Variants in PDE4D observed in about 807,000 individuals in gnomAD.
PDE4D encodes the protein phosphodiesterase 4D, also known as 3',5'-cyclic-AMP phosphodiesterase 4D.
PDE4D carries 24 observed loss-of-function variants against 87.4 expected under a neutral mutation model. The ratio of observed to expected loss-of-function variants is 0.27; its 90% CI spans 0.20 to 0.39. The LOEUF is 0.39. PDE4D is among the 10% of genes least tolerant of loss of function. The pLI is 1.00. For synonymous variants in PDE4D, 384 were observed against 383.2 expected, an observed-to-expected ratio of 1.00 and a Z score of -0.02; for missense variants, 714 against 1,041.0, an observed-to-expected ratio of 0.69 and a Z score of 4.32.
chr5:59,922,823 A>G (rs921198693), intron 3 of PDE4D, among the ~76,000 whole-genome samples: 2 of 151,850 alleles, frequency 1.3e-5, no homozygotes, highest in East Asian at 3.9e-4. Context: ...TGAGAAAAGG[A>G]GAAAGAAGGG....
At chr5:59,338,875 ATAATT>A (rs1489978523) in intron 1 of PDE4D, among the ~76,000 whole-genome samples, 5 of 152,236 alleles carry the variant, frequency 3.3e-5, no homozygotes, top group African/African-American at 1.2e-4. Flanking sequence ...CATTTTTAGC[ATAATT>A]TAGAGAAAAA....
chr5:59,346,241 A>G (rs1779584612), intron 1 of PDE4D, among the ~76,000 whole-genome samples: 1 of 152,168 alleles, frequency 6.6e-6, no homozygotes, highest in African/African-American at 2.4e-5. Flanking sequence ...AGCTGGTAAT[A>G]TTTTGATTTT....
intron 2 of PDE4D, among the ~76,000 whole-genome samples, chr5:60,065,031 T>C (rs1285101861): frequency 6.6e-6 from 1 of 152,122 alleles, no homozygotes; most frequent in Non-Finnish European, 1.5e-5. Context: ...AGAAATACAA[T>C]AGTGAATAAT....
intron 2 of PDE4D, among the ~76,000 whole-genome samples, chr5:60,010,067 C>T (rs1424914073): frequency 6.6e-6 from 1 of 151,826 alleles, no homozygotes. Context: ...GTAACATTTG[C>T]AAAAAGAACT....
At chr5:59,946,679 G>T (rs1382981415) in intron 3 of PDE4D, among the ~76,000 whole-genome samples, 7 of 152,174 alleles carry the variant, frequency 4.6e-5, no homozygotes, top group Non-Finnish European at 1.0e-4. Flanking sequence ...TTATTTTGCA[G>T]AATATGTTTT....
In PDE4D at chr5:60,080,087, T is replaced by A. The variant is rs1207166738; in HGVS notation, c.43-91370A>T. The stretch of plus-strand genomic sequence containing the variant: ...CTTATAGTTCTCCTTGAAGAGGTCC[T>A]TCACATCCCTTGTTAGCTCTATTCC... On this transcript the variant is annotated intron_variant, in intron 2 of 16. Coordinates refer to the PDE4D transcript ENST00000502484. Among the ~76,000 whole-genome samples, 4 of 152,212 alleles carry A rather than the reference T, an allele frequency of 2.6e-5. No homozygotes were observed. In the East Asian group the frequency reaches 7.7e-4, roughly 29 times the overall value.
At chr5:60,143,056 G>A (rs917518359) in intron 2 of PDE4D, among the ~76,000 whole-genome samples, 6 of 152,148 alleles carry the variant, frequency 3.9e-5, no homozygotes, top group Non-Finnish European at 8.8e-5. Context: ...AGTCAAAGAT[G>A]TCCTGGATTT....
At chr5:59,558,837 A>C (rs1270237456) in intron 1 of PDE4D, 1 of 152,226 alleles carries the variant, frequency 6.6e-6, no homozygotes, top group Non-Finnish European at 1.5e-5. Flanking sequence ...CACTGCACTC[A>C]TACTATATGT....
chr5:59,636,477 A>C (rs1386664574), intron 1 of PDE4D, among the ~76,000 whole-genome samples: 1 of 152,034 alleles, frequency 6.6e-6, no homozygotes, highest in African/African-American at 2.4e-5. Context: ...CAAAGCTGGA[A>C]GCATCAAGCT....
Position 59,364,249 on chromosome 5 carries a change from A to G in PDE4D, c.456-148281T>C, listed in dbSNP as rs550580290. On this transcript the variant is annotated intron_variant, in intron 1 of 14. Transcript: ENST00000340635. ...GGTTCTGGTTTTTGCTTTCAGTGTT[A>G]CCACTAATTTTATTTCTACTGGTTC... is the stretch of plus-strand genomic sequence containing the variant. Among the ~76,000 whole-genome samples, 43 of 152,330 alleles carry G rather than the reference A, an allele frequency of 2.8e-4. No individual in the cohort carries two copies. The South Asian group carries it at 8.5e-3, about 30-fold the overall frequency.
intron 1 of PDE4D, among the ~76,000 whole-genome samples, chr5:60,284,638 C>T (rs1286901956): frequency 6.6e-6 from 1 of 152,142 alleles, no homozygotes; most frequent in Non-Finnish European, 1.5e-5. Flanking sequence ...ACAGGACAGC[C>T]TCCCCATCAC....
chr5:59,871,074 T>C (rs181134843), intron 1 of PDE4D, among the ~76,000 whole-genome samples: 1 of 152,336 alleles, frequency 6.6e-6, no homozygotes, highest in East Asian at 1.9e-4. Context: ...TCCTCCCAGA[T>C]GGTCAACATC....
At chr5:59,521,019 T>C (rs944872950) in intron 1 of PDE4D, among the ~76,000 whole-genome samples, 1 of 152,070 alleles carries the variant, frequency 6.6e-6, no homozygotes, top group African/African-American at 2.4e-5. Context: ...GGATCATTTA[T>C]ACTCCTAGGA....
intron 1 of PDE4D, among the ~76,000 whole-genome samples, chr5:59,393,615 T>A (rs1788683628): frequency 6.6e-6 from 1 of 152,252 alleles, no homozygotes; most frequent in Non-Finnish European, 1.5e-5. Flanking sequence ...TTTAGGGACG[T>A]TCCTCTTTTT....
chr5:59,513,673 C>T (rs891956272), intron 1 of PDE4D, among the ~76,000 whole-genome samples: 4 of 152,136 alleles, frequency 2.6e-5, no homozygotes, highest in African/African-American at 9.7e-5. Flanking sequence ...AGTAAAATGT[C>T]TTACATTGAA....
intron 2 of PDE4D, among the ~76,000 whole-genome samples, chr5:60,046,007 T>C (rs1769191605): frequency 6.6e-6 from 1 of 152,226 alleles, no homozygotes; most frequent in African/African-American, 2.4e-5. Flanking sequence ...GCATGGAATA[T>C]TCTTCCATTT....
intron 1 of PDE4D, among the ~76,000 whole-genome samples, chr5:59,502,741 T>C (rs1808535828): frequency 6.6e-6 from 1 of 151,258 alleles, no homozygotes; most frequent in Non-Finnish European, 1.5e-5. Flanking sequence ...TTTGTAAAAC[T>C]CTCCTTAGGG....
At chr5:59,661,951 G>A (rs1431350006) in intron 1 of PDE4D, among the ~76,000 whole-genome samples, 2 of 152,156 alleles carry the variant, frequency 1.3e-5, no homozygotes, top group Non-Finnish European at 2.9e-5. Context: ...CCACTTGAAT[G>A]TTCAGGCGTT....
intron 1 of PDE4D, among the ~76,000 whole-genome samples, chr5:60,279,287 G>A (rs796461186): frequency 6.6e-6 from 1 of 152,170 alleles, no homozygotes; most frequent in South Asian, 2.1e-4. Flanking sequence ...CCAGTCAGGA[G>A]AAGAAAGAGC....
Sources: allele counts gnomAD v4.1 joint callset (sites outside exome capture counted in the v4.1 genomes callset), GRCh38; gene constraint gnomAD v4.1.1; transcripts MANE v1.5; gene names NCBI Gene and HGNC (gene_info 2026-07-23, HGNC 2026-07-21).